Variants in PXDNL observed in about 807,000 individuals in gnomAD.
PXDNL encodes the protein probable oxidoreductase PXDNL.
A neutral mutation model predicts 150.8 loss-of-function variants in PXDNL; 145 were observed. The observed-to-expected ratio is 0.96, with a 90% CI of 0.84 to 1.10. PXDNL has a LOEUF of 1.10. Ranked by LOEUF, PXDNL falls within the 50% of genes least tolerant of loss-of-function variation. The pLI, the probability that PXDNL is intolerant of heterozygous loss-of-function variation, is 0.00. For missense variants in PXDNL, 2,087 were observed against 1,873.9 expected (o/e 1.11, Z -2.10); for synonymous variants, 757 against 725.7 (o/e 1.04, Z -0.69).
At chr8:51,509,600 C>A (rs1811366305) in intron 4 of PXDNL, among the ~76,000 whole-genome samples, 1 of 151,932 alleles carries the variant, frequency 6.6e-6, no homozygotes, top group Non-Finnish European at 1.5e-5. Context: ...CCCTGACCAC[C>A]AAGCCTTTGC....
chr8:51,320,751 G>GC, intron 22 of PXDNL, 33 bp downstream of exon 22: 2 of 1,310,244 alleles, frequency 1.5e-6, no homozygotes, highest in Non-Finnish European at 2.1e-6. Flanking sequence ...GAAGTGAAAT[G>GC]GGGAGTTGGA....
At chr8:51,528,534 TG>T (rs1237309171) in intron 4 of PXDNL, among the ~76,000 whole-genome samples, 1 of 152,216 alleles carries the variant, frequency 6.6e-6, no homozygotes, top group African/African-American at 2.4e-5. Context: ...CAAACCTGAT[TG>T]TGTTACATTC....
chr8:51,321,014 A>G (rs1260068962), intron 21 of PXDNL, 117 bp from the exon 22 acceptor site: 3 of 740,668 alleles, frequency 4.1e-6, no homozygotes, highest in Admixed American at 4.8e-5. Context: ...AGAAGGCAAA[A>G]GAAACTTCAA....
intron 1 of PXDNL, among the ~76,000 whole-genome samples, chr8:51,707,467 C>T (rs1186726589): frequency 1.3e-5 from 2 of 152,080 alleles, no homozygotes; most frequent in Non-Finnish European, 2.9e-5. Context: ...CACAAATTTT[C>T]TTGTATTTTT....
intron 19 of PXDNL, among the ~76,000 whole-genome samples, chr8:51,363,280 T>C (rs1806809990): frequency 6.6e-6 from 1 of 152,018 alleles, no homozygotes; most frequent in Non-Finnish European, 1.5e-5. Flanking sequence ...TTAGGGAAGG[T>C]ACCTGGGGGA....
At chr8:51,647,249 T>C (rs1319627716) in intron 2 of PXDNL, among the ~76,000 whole-genome samples, 2 of 152,002 alleles carry the variant, frequency 1.3e-5, no homozygotes, top group East Asian at 1.9e-4. Context: ...AACGGCAACA[T>C]AGAGTTTTTA....
intron 12 of PXDNL, 117 bp downstream of exon 12, chr8:51,446,887 C>T: frequency 1.5e-6 from 1 of 678,044 alleles, no homozygotes; most frequent in Non-Finnish European, 2.2e-6. Context: ...TTTCTTAGAT[C>T]ATATGACTAT....
intron 15 of PXDNL, among the ~76,000 whole-genome samples, chr8:51,412,830 T>A (rs892990538): frequency 6.6e-6 from 1 of 152,230 alleles, no homozygotes; most frequent in Admixed American, 6.5e-5. Flanking sequence ...TCATTCTCAA[T>A]TCACACATTG....
At chr8:51,565,307 T>TAAATAAATAAAC (rs1363764290) in intron 3 of PXDNL, among the ~76,000 whole-genome samples, 10 of 136,644 alleles carry the variant, frequency 7.3e-5, no homozygotes, top group Non-Finnish European at 1.5e-5. Flanking sequence ...AATAAATAAA[T>TAAATAAATAAAC]AAATAAATAA....
At chr8:51,390,268 A>C (rs1782035554) in intron 17 of PXDNL, among the ~76,000 whole-genome samples, 1 of 152,194 alleles carries the variant, frequency 6.6e-6, no homozygotes, top group Non-Finnish European at 1.5e-5. Flanking sequence ...TAGGCTCATA[A>C]GTATTTGCAA....
intron 1 of PXDNL, among the ~76,000 whole-genome samples, chr8:51,751,257 G>A (rs1296826183): frequency 3.9e-5 from 6 of 152,038 alleles, no homozygotes; most frequent in African/African-American, 1.4e-4. Context: ...CAAAATTACT[G>A]ATAAAATATA....
chr8:51,405,085 G>A (rs964729412), intron 17 of PXDNL, among the ~76,000 whole-genome samples: 4 of 152,066 alleles, frequency 2.6e-5, no homozygotes, highest in Admixed American at 6.5e-5. Flanking sequence ...CGGCAGCCCC[G>A]GCCAGCCACT....
intron 21 of PXDNL, among the ~76,000 whole-genome samples, chr8:51,334,519 T>C (rs1805785175): frequency 6.6e-6 from 1 of 151,702 alleles, no homozygotes; most frequent in Admixed American, 6.6e-5. Flanking sequence ...AAAAGATAAG[T>C]GAAACAAAAA....
At chr8:51,322,124 A>G (rs576250414) in intron 21 of PXDNL, among the ~76,000 whole-genome samples, 25 of 152,256 alleles carry the variant, frequency 1.6e-4, no homozygotes, top group African/African-American at 5.3e-4. Context: ...CTTGGAAGAA[A>G]CCATCCCTGC....
chr8:51,578,014 G>A (rs1458710651), intron 3 of PXDNL, among the ~76,000 whole-genome samples: 93 of 101,284 alleles, frequency 9.2e-4, no homozygotes, highest in African/African-American at 4.1e-3. Flanking sequence ...AGGAAGGAAG[G>A]AAGGAAGGAA....
intron 1 of PXDNL, among the ~76,000 whole-genome samples, chr8:51,742,331 C>A (rs529657315): frequency 6.6e-6 from 1 of 152,304 alleles, no homozygotes; most frequent in African/African-American, 2.4e-5. Context: ...TCACACGCAT[C>A]TACTCAGGTG....
chr8:51,406,243 T>TG (rs1164483456), intron 17 of PXDNL, among the ~76,000 whole-genome samples: 3 of 152,214 alleles, frequency 2.0e-5, no homozygotes, highest in African/African-American at 7.2e-5. Context: ...ACCCCTAACT[T>TG]TTTCCAATCC....
At chr8:51,523,261 T>C (rs918158467) in intron 4 of PXDNL, among the ~76,000 whole-genome samples, 1 of 152,230 alleles carries the variant, frequency 6.6e-6, no homozygotes, top group Non-Finnish European at 1.5e-5. Context: ...TGATATAATG[T>C]TGTTAAACAT....
rs576518368 is a variant in PXDNL at position 51,585,487 on chromosome 8, G to T, written c.308+7140C>A. 2.0e-5 allele frequency among the ~76,000 whole-genome samples: 3 copies of T among 152,216 alleles called. No individual in the cohort carries two copies. In the South Asian group the frequency reaches 6.2e-4, roughly 32 times the overall value. On this transcript the variant is annotated intron_variant, in intron 3 of 22. Transcript: ENST00000356297. ...TGTCACTAACACCAAGGAGATTAGAGGGTGAGCAGTCAATGGAGGAGACCA... is the reference window on the plus strand; with the variant it reads ...TGTCACTAACACCAAGGAGATTAGATGGTGAGCAGTCAATGGAGGAGACCA...
Sources: allele counts gnomAD v4.1 joint callset (sites outside exome capture counted in the v4.1 genomes callset), GRCh38; gene constraint gnomAD v4.1.1; transcripts MANE v1.5; gene names NCBI Gene and HGNC (gene_info 2026-07-23, HGNC 2026-07-21).